Variants in GAD1 observed in about 807,000 individuals in gnomAD.
GAD1 encodes the protein 67 kDa glutamic acid decarboxylase.
A neutral mutation model predicts 75.2 loss-of-function variants in GAD1; 35 were observed. That is an observed-to-expected ratio of 0.47 (90% CI 0.36 to 0.62). The LOEUF (loss-of-function observed/expected upper bound fraction) is 0.62. Ranked by LOEUF, GAD1 falls within the 20% of genes least tolerant of loss-of-function variation. GAD1 has a pLI of 0.00. For synonymous variants in GAD1, 257 were observed against 271.9 expected (o/e 0.95, Z 0.54); for missense variants, 490 against 758.5 (o/e 0.65, Z 4.16).
intron 6 of GAD1, 199 bp from the exon 7 acceptor site, chr2:170,843,844 CCT>C: frequency 1.7e-6 from 1 of 577,780 alleles, no homozygotes. Context: ...ACTTCCACCA[CCT>C]CTCTCAGTAA....
chr2:170,842,732 T>C lies in GAD1; in HGVS notation c.639-1313T>C, dbSNP rs554756574. On this transcript the variant is annotated intron_variant, in intron 6 of 16. Transcript: ENST00000358196. ...CCCAAGGAAAATGGACATATTCTTT[T>C]TGGAAATAAAATACTTCTACCAACA... 31 of 1,581,820 alleles carry C rather than the reference T, an allele frequency of 2.0e-5. No homozygotes were observed. The African/African-American group carries it at 3.7e-4, about 19-fold the overall frequency.
At chr2:170,829,860 A>G in intron 4 of GAD1, 1 of 548,532 alleles carries the variant, frequency 1.8e-6, no homozygotes, top group Non-Finnish European at 3.3e-6. Flanking sequence ...AATAAAAGTC[A>G]ACTCTAAAGA....
chr2:170,814,757 G>A (rs1701665947), upstream of GAD1, among the ~76,000 whole-genome samples: 1 of 152,222 alleles, frequency 6.6e-6, no homozygotes, highest in South Asian at 2.1e-4. Context: ...CTCGAAGCTG[G>A]ACGGACTCAG....
chr2:170,852,695 T>C lies in GAD1; in HGVS notation c.1185-19T>C, dbSNP rs1702769914. On this transcript the variant is annotated intron_variant, in intron 12 of 16. Transcript: ENST00000358196. ...TTCCAACTCCTGCACCTTCTCGAAG[T>C]CTCATGTGCTTCTTTCAGGGCCAAC... 6.2e-7 allele frequency: 1 copy of C among 1,611,674 alleles called. No homozygotes were observed. The highest frequency in any genetic ancestry group is 1.7e-5 in the Admixed American group (1 of 60,004).
intron 7 of GAD1, 71 bp from the exon 8 acceptor site, chr2:170,845,435 G>T: frequency 3.1e-6 from 4 of 1,296,350 alleles, no homozygotes; most frequent in Non-Finnish European, 4.5e-6. Context: ...TGAGACACCA[G>T]CTCAGCGTTC....
At chr2:170,826,381 A>C (rs1430441260) in intron 3 of GAD1, among the ~76,000 whole-genome samples, 1 of 152,028 alleles carries the variant, frequency 6.6e-6, no homozygotes, top group East Asian at 1.9e-4. Context: ...AGCCTGACCA[A>C]CATGGCGAAA....
intron 6 of GAD1, among the ~76,000 whole-genome samples, chr2:170,838,567 A>C (rs1053084634): frequency 1.3e-5 from 2 of 152,196 alleles, no homozygotes; most frequent in Non-Finnish European, 2.9e-5. Context: ...ACAAGCACTG[A>C]ATTTACTCAG....
chr2:170,819,991 C>T (rs901393190), intron 2 of GAD1, among the ~76,000 whole-genome samples: 3 of 152,174 alleles, frequency 2.0e-5, no homozygotes, highest in African/African-American at 7.2e-5. Flanking sequence ...ACCCACACAA[C>T]AAAGAGGGCC....
rs1702389305 is a variant in GAD1 at position 170,836,875 on chromosome 2, T to C, written c.630T>C (p.Asn210=). 1 of 1,611,284 alleles carries C rather than the reference T, an allele frequency of 6.2e-7. No homozygotes were observed. Among genetic ancestry groups the C allele is most frequent in the Non-Finnish European group, 8.5e-7 (1 of 1,177,588 alleles). ...LAGEWLTSTA[N]TNMFTYEIAP... The stretch of plus-strand genomic sequence containing the variant: ...GAGAATGGCTGACATCAACGGCCAA[T>C]ACCAACATGTAAGTCTCATATGTTT... The change falls in exon 6 of 17, where the codon AAT becomes AAC. Residue 210 remains asparagine (N), a synonymous_variant. Transcript: ENST00000358196.
At position 170,839,191 on chromosome 2, in the gene GAD1, T is replaced by A. The variant is rs578241740; in HGVS notation, c.638+2308T>A. ...TGATAATGCCTGGTTTTTGGTCCTGTACTCTCATTGAATTTAGGTGGCACC... is the reference window on the plus strand; with the variant it reads ...TGATAATGCCTGGTTTTTGGTCCTGAACTCTCATTGAATTTAGGTGGCACC... On this transcript the variant is annotated intron_variant, in intron 6 of 16. Coordinates refer to ENST00000358196, the MANE Select transcript of GAD1 (RefSeq NM_000817.3). 2.6e-5 allele frequency among the ~76,000 whole-genome samples: 4 copies of A among 152,370 alleles called. No homozygotes were observed. The East Asian group carries it at 7.7e-4, about 29-fold the overall frequency.
chr2:170,845,693 CTGTT>C lies in GAD1; in HGVS notation c.868-8_868-5del, dbSNP rs759779673. On this transcript the variant is annotated splice_polypyrimidine_tract_variant and intron_variant, in intron 8 of 16. Transcript: ENST00000358196. ...CTTTCCAACTTCTAACCTCGAGCCT[CTGTT>C]TGTTGCAGAGTCACTATTCCATAAA... 55 of 1,613,930 alleles carry C rather than the reference CTGTT, an allele frequency of 3.4e-5. No homozygotes were observed. Among genetic ancestry groups the C allele is most frequent in the Non-Finnish European group, 4.1e-5 (48 of 1,179,936 alleles).
intron 5 of GAD1, among the ~76,000 whole-genome samples, chr2:170,832,003 A>C (rs1314371232): frequency 6.6e-6 from 1 of 151,972 alleles, no homozygotes; most frequent in African/African-American, 2.4e-5. Context: ...TAGGCTATTC[A>C]CAACCTAAAG....
intron 11 of GAD1, chr2:170,848,533 T>G (rs1229470511): frequency 5.7e-5 from 21 of 367,182 alleles, no homozygotes; most frequent in Non-Finnish European, 1.1e-4. Context: ...AAAGAATATC[T>G]GCTACATTTA....
upstream of GAD1, among the ~76,000 whole-genome samples, chr2:170,813,671 AC>A (rs1365201104): frequency 6.6e-6 from 1 of 151,710 alleles, no homozygotes; most frequent in Non-Finnish European, 1.5e-5. Flanking sequence ...CCTCCTACTC[AC>A]CCGTTTTTCC....
chr2:170,845,517 T>C lies in GAD1; in HGVS notation c.763T>C (p.Ser255Pro). 6.2e-7 allele frequency: 1 copy of C among 1,613,608 alleles called. No homozygotes were observed. The highest frequency in any genetic ancestry group is 8.5e-7 in the Non-Finnish European group (1 of 1,179,982). ...CCGCTTGCTGACAGGGGGCGCCATA[T>C]CCAACATGTACAGCATCATGGCTGC... ...DGIFSPGGAI[S>P]NMYSIMAARY... The change falls in exon 8 of 17, where the codon TCC becomes CCC. Residue 255 changes from serine to proline, a missense_variant. Around this residue, in one of 3 missense-constraint regions of GAD1, gnomAD observed 324 missense variants for 523.9 expected, o/e 0.62. Coordinates refer to ENST00000358196, the MANE Select transcript of GAD1 (RefSeq NM_000817.3).
At chr2:170,831,422 G>A (rs1223600856) in intron 5 of GAD1, among the ~76,000 whole-genome samples, 1 of 151,986 alleles carries the variant, frequency 6.6e-6, no homozygotes, top group East Asian at 1.9e-4. Context: ...AGATAAAAAA[G>A]ATATAAATGC....
intron 3 of GAD1, among the ~76,000 whole-genome samples, chr2:170,828,365 T>TTCCCTCTGCTGTCCTCACCCTCC (rs1281853400): frequency 2.7e-5 from 2 of 73,816 alleles, no homozygotes; most frequent in Non-Finnish European, 2.7e-5. Flanking sequence ...CCTCATCCCC[T>TTCCCTCTGCTGTCCTCACCCTCC]TCCCTCTGCT....
At chr2:170,843,316 T>G (rs1702559480) in intron 6 of GAD1, among the ~76,000 whole-genome samples, 1 of 152,250 alleles carries the variant, frequency 6.6e-6, no homozygotes, top group Non-Finnish European at 1.5e-5. Flanking sequence ...CCAAGATATC[T>G]GATGCCCACA....
At position 170,829,509 on chromosome 2, in the gene GAD1, G is replaced by A; in HGVS notation, c.180G>A (p.Lys60=). The change falls in exon 4 of 17, where the codon AAG becomes AAA. Residue 60 remains lysine (K), a synonymous_variant. Coordinates refer to ENST00000358196, the MANE Select transcript of GAD1 (RefSeq NM_000817.3). The stretch of plus-strand genomic sequence containing the variant: ...AAAGGACCAACAGCCTGGAAGAGAA[G>A]AGTCGCCTTGTGAGTGCCTTCAAGG... ...FLQRTNSLEE[K]SRLVSAFKER... 6.2e-7 allele frequency: 1 copy of A among 1,613,614 alleles called. No individual in the cohort carries two copies. The highest frequency in any genetic ancestry group is 8.5e-7 in the Non-Finnish European group (1 of 1,179,970).
Sources: allele counts gnomAD v4.1 joint callset (sites outside exome capture counted in the v4.1 genomes callset), GRCh38; gene constraint gnomAD v4.1.1; regional missense constraint gnomAD v4.1.1; transcripts MANE v1.5; gene names NCBI Gene and HGNC (gene_info 2026-07-23, HGNC 2026-07-21).